Variants in RNF180 observed in about 807,000 individuals in gnomAD.
RNF180 encodes E3 ubiquitin-protein ligase RNF180.
RNF180 carries 38 observed loss-of-function variants against 59.2 expected under a neutral mutation model. That is an observed-to-expected ratio of 0.64 (90% CI 0.50 to 0.84). RNF180 has a LOEUF of 0.84. RNF180 is among the 40% of genes least tolerant of loss of function. RNF180 has a pLI of 0.00. For missense variants in RNF180, 705 were observed against 700.9 expected, an observed-to-expected ratio of 1.01 and a Z score of -0.07; for synonymous variants, 262 against 240.3, an observed-to-expected ratio of 1.09 and a Z score of -0.84.
At chr5:64,346,246 G>C (rs1445841062) in intron 7 of RNF180, among the ~76,000 whole-genome samples, 1 of 146,404 alleles carries the variant, frequency 6.8e-6, no homozygotes, top group Non-Finnish European at 1.5e-5. Flanking sequence ...TTGGCAGATG[G>C]AAAAAAAATA....
intron 5 of RNF180, among the ~76,000 whole-genome samples, chr5:64,281,273 TTA>T: frequency 6.6e-6 from 1 of 152,336 alleles, no homozygotes; most frequent in Non-Finnish European, 1.5e-5. Flanking sequence ...TCCTCTGTTA[TTA>T]TTTGGATGTC....
At position 64,370,875 on chromosome 5, in the gene RNF180, T is replaced by A. The variant is rs979384016; in HGVS notation, c.*1061T>A. 1 of 151,640 alleles carries A rather than the reference T, an allele frequency of 6.6e-6. No homozygotes were observed. Among genetic ancestry groups the A allele is most frequent in the Non-Finnish European group, 1.5e-5 (1 of 67,740 alleles). The allele number at this position is 151,640 out of a possible 1,614,324, so 9.4% of individuals were successfully genotyped here. On this transcript the variant is annotated 3_prime_UTR_variant, in exon 8 of 8. Transcript: ENST00000389100. The stretch of plus-strand genomic sequence containing the variant: ...TGTGAAACCTGGGACAAAGTTTTTA[T>A]TATGAATTACTAATCCAGTATTACT...
intron 5 of RNF180, among the ~76,000 whole-genome samples, chr5:64,288,986 C>G (rs764416717): frequency 2.6e-5 from 4 of 152,194 alleles, no homozygotes; most frequent in Non-Finnish European, 4.4e-5. Flanking sequence ...AAGGGGAATG[C>G]TTCCAGCTTT....
At chr5:64,169,778 G>A (rs1749841488) in intron 1 of RNF180, among the ~76,000 whole-genome samples, 1 of 152,216 alleles carries the variant, frequency 6.6e-6, no homozygotes, top group Non-Finnish European at 1.5e-5. Flanking sequence ...TTAATACCTA[G>A]TATAACTTTA....
rs755376899 is a variant in RNF180 at position 64,213,749 on chromosome 5, T to C, written c.423T>C (p.Pro141=). 4 of 1,614,174 alleles carry C rather than the reference T, an allele frequency of 2.5e-6. No homozygotes were observed. The Admixed American group carries it at 5.0e-5, about 20-fold the overall frequency. Residue 141 remains proline (P), a synonymous_variant, in exon 4 of 8, where the codon CCT becomes CCC. Coordinates refer to ENST00000389100, the MANE Select transcript of RNF180 (RefSeq NM_001113561.2). ...MRPSVKYLSH[P]RVQSGCDKEA... ...CATCAGTGAAATACTTGTCACATCC[T>C]AGAGTTCAGTCAGGTTGTGACAAGG...
chr5:64,208,155 TTAAAA>T lies in RNF180; in HGVS notation c.136-3906_136-3902del, dbSNP rs564272725. ...ATATTCCCAACACTTAAAGAAAAAA[TTAAAA>T]TAATACATTGGCTCCCTCTGCTGCT... On this transcript the variant is annotated intron_variant, in intron 2 of 7. Coordinates refer to ENST00000389100, the MANE Select transcript of RNF180 (RefSeq NM_001113561.2). Among the ~76,000 whole-genome samples the T allele has an allele frequency of 3.1e-4, 47 of 152,152 alleles. 1 individual carries two copies. In the South Asian group the frequency reaches 7.7e-3, roughly 25 times the overall value.
intron 5 of RNF180, among the ~76,000 whole-genome samples, chr5:64,314,080 T>C (rs1213946782): frequency 6.6e-6 from 1 of 152,182 alleles, no homozygotes; most frequent in East Asian, 1.9e-4. Context: ...GAAAATACTT[T>C]GCCCCATTCT....
At chr5:64,351,657 A>G (rs1181275234) in intron 7 of RNF180, among the ~76,000 whole-genome samples, 2 of 151,614 alleles carry the variant, frequency 1.3e-5, no homozygotes, top group South Asian at 2.1e-4. Context: ...ATCTATTGAG[A>G]TTATCATATG....
At chr5:64,351,124 C>T (rs1192474842) in intron 7 of RNF180, among the ~76,000 whole-genome samples, 44 of 151,978 alleles carry the variant, frequency 2.9e-4, no homozygotes, top group African/African-American at 1.0e-3. Flanking sequence ...AGGTCCTTCA[C>T]ATCCCTTGTA....
At chr5:64,296,171 C>T (rs1353461530) in intron 5 of RNF180, among the ~76,000 whole-genome samples, 1 of 152,104 alleles carries the variant, frequency 6.6e-6, no homozygotes, top group African/African-American at 2.4e-5. Context: ...ATCTGGAGGG[C>T]ACTTAGGTCC....
chr5:64,336,592 G>A (rs1561269319), intron 7 of RNF180, among the ~76,000 whole-genome samples: 1 of 152,276 alleles, frequency 6.6e-6, no homozygotes, highest in Admixed American at 6.5e-5. Context: ...AGTGTGTAAG[G>A]TTGGGAAAAA....
chr5:64,173,128 T>C (rs1750032579), intron 1 of RNF180, among the ~76,000 whole-genome samples: 1 of 152,230 alleles, frequency 6.6e-6, no homozygotes, highest in African/African-American at 2.4e-5. Flanking sequence ...CAAATATCCT[T>C]GATACAGTAT....
intron 2 of RNF180, among the ~76,000 whole-genome samples, chr5:64,210,904 G>A (rs554664045): frequency 1.3e-5 from 2 of 152,168 alleles, no homozygotes; most frequent in South Asian, 2.1e-4. Flanking sequence ...GTCCAGTGAG[G>A]AGATGGGAAG....
intron 2 of RNF180, among the ~76,000 whole-genome samples, chr5:64,205,074 A>G (rs1751947024): frequency 6.6e-6 from 1 of 152,126 alleles, no homozygotes; most frequent in African/African-American, 2.4e-5. Flanking sequence ...AGCCCTCCCA[A>G]AGCTAGGAAC....
At chr5:64,204,445 G>A (rs1031612626) in intron 2 of RNF180, among the ~76,000 whole-genome samples, 1 of 152,096 alleles carries the variant, frequency 6.6e-6, no homozygotes, top group Non-Finnish European at 1.5e-5. Flanking sequence ...GTAATTTCAC[G>A]TCTTCACCAA....
chr5:64,318,775 T>C (rs1197642554), intron 5 of RNF180, among the ~76,000 whole-genome samples: 2 of 152,198 alleles, frequency 1.3e-5, no homozygotes, highest in Non-Finnish European at 2.9e-5. Context: ...CAGGAATTTC[T>C]AGGCAGTAAA....
intron 5 of RNF180, among the ~76,000 whole-genome samples, chr5:64,300,887 A>G (rs1177887221): frequency 6.6e-6 from 1 of 151,760 alleles, no homozygotes; most frequent in Non-Finnish European, 1.5e-5. Context: ...GTAAATAGTT[A>G]CCAAGTTTTA....
intron 2 of RNF180, among the ~76,000 whole-genome samples, chr5:64,211,541 G>A (rs1221474348): frequency 2.0e-5 from 3 of 152,190 alleles, no homozygotes; most frequent in South Asian, 2.1e-4. Context: ...GAAGGTTAGT[G>A]AGACCTTCCT....
At chr5:64,208,070 T>A (rs756667223) in intron 2 of RNF180, among the ~76,000 whole-genome samples, 3 of 152,052 alleles carry the variant, frequency 2.0e-5, no homozygotes, top group Non-Finnish European at 2.9e-5. Flanking sequence ...TGATAAAAAA[T>A]AAGGCATCAA....
Sources: gnomAD v4.1 joint callset for allele counts (sites outside exome capture counted in the v4.1 genomes callset) on GRCh38, gnomAD v4.1.1 for gene constraint, MANE v1.5 for transcripts, NCBI Gene and HGNC (gene_info 2026-07-23, HGNC 2026-07-21) for gene names.